The following NPAS2 variants were observed in gnomAD, a reference collection of about 807,000 sequenced individuals.
NPAS2 encodes the protein neuronal PAS domain-containing protein 2.
In NPAS2, 23 loss-of-function variants were observed where a neutral mutation model predicts 107.5. The ratio of observed to expected loss-of-function variants is 0.21; its 90% CI spans 0.15 to 0.30. The LOEUF (loss-of-function observed/expected upper bound fraction) is 0.30, where lower values mean the gene tolerates loss of function less well. NPAS2 is among the 10% of genes least tolerant of loss of function. NPAS2 has a pLI of 1.00. For synonymous variants in NPAS2, 403 were observed against 417.5 expected (o/e 0.97, Z 0.42); for missense variants, 756 against 1,043.3 (o/e 0.72, Z 3.79).
chr2:100,963,255 GT>G (rs1485059994), intron 7 of NPAS2, among the ~76,000 whole-genome samples: 3 of 152,214 alleles, frequency 2.0e-5, no homozygotes, highest in African/African-American at 7.2e-5. Context: ...GGAAGGGGGT[GT>G]CAATGATGCC....
chr2:100,918,282 C>T (rs907536530), intron 2 of NPAS2, among the ~76,000 whole-genome samples: 10 of 151,906 alleles, frequency 6.6e-5, no homozygotes, highest in Non-Finnish European at 1.5e-4. Flanking sequence ...ATGTAAAATA[C>T]GTAAAACTGT....
intron 1 of NPAS2, among the ~76,000 whole-genome samples, chr2:100,844,824 A>G (rs1677671382): frequency 6.6e-6 from 1 of 152,222 alleles, no homozygotes; most frequent in African/African-American, 2.4e-5. Flanking sequence ...GAAATTAACT[A>G]CTTTTCCTTT....
chr2:100,941,434 A>G (rs1473305479), intron 5 of NPAS2, among the ~76,000 whole-genome samples: 1 of 152,114 alleles, frequency 6.6e-6, no homozygotes, highest in Non-Finnish European at 1.5e-5. Context: ...GTGGTGGCGC[A>G]TGCCTGTAGT....
intron 1 of NPAS2, among the ~76,000 whole-genome samples, chr2:100,864,297 C>T (rs1679118978): frequency 6.6e-6 from 1 of 152,066 alleles, no homozygotes; most frequent in Non-Finnish European, 1.5e-5. Context: ...ACCAAATTAC[C>T]TTAAGTTCTA....
At position 100,867,192 on chromosome 2, in the gene NPAS2, A is replaced by G. The variant is rs956188689; in HGVS notation, c.-22-37541A>G. 2.8e-4 allele frequency among the ~76,000 whole-genome samples: 43 copies of G among 152,168 alleles called. 1 individual carries two copies. The highest frequency in any genetic ancestry group is 8.8e-5 in the Non-Finnish European group (6 of 68,038). On this transcript the variant is annotated intron_variant, in intron 1 of 20. Transcript: ENST00000335681. Reference sequence around the variant, plus strand: ...CCCATTATTGGGTATAATATTCCATATTTGTCCATTAGATCTGTGCTGCTC... The same window carrying G: ...CCCATTATTGGGTATAATATTCCATGTTTGTCCATTAGATCTGTGCTGCTC...
chr2:100,918,068 T>TTACA (rs1553455098), intron 2 of NPAS2, among the ~76,000 whole-genome samples: 1 of 149,314 alleles, frequency 6.7e-6, no homozygotes, highest in Non-Finnish European at 1.5e-5. Flanking sequence ...CTATATATAT[T>TTACA]TATATATATT....
At chr2:100,854,889 G>A (rs910813134) in intron 1 of NPAS2, among the ~76,000 whole-genome samples, 1 of 152,206 alleles carries the variant, frequency 6.6e-6, no homozygotes, top group African/African-American at 2.4e-5. Flanking sequence ...AATGTTGAGT[G>A]CTGGACCCTG....
chr2:100,881,611 A>G (rs947310657), intron 1 of NPAS2, among the ~76,000 whole-genome samples: 4 of 152,050 alleles, frequency 2.6e-5, no homozygotes, highest in African/African-American at 9.7e-5. Flanking sequence ...ACTTGAACCC[A>G]GGAGGCGGAG....
intron 2 of NPAS2, among the ~76,000 whole-genome samples, chr2:100,918,491 A>C (rs1397066572): frequency 2.6e-5 from 4 of 152,192 alleles, no homozygotes; most frequent in Non-Finnish European, 5.9e-5. Context: ...AATACTGACA[A>C]ATCACATTTC....
intron 3 of NPAS2, among the ~76,000 whole-genome samples, chr2:100,927,014 C>T (rs1310063059): frequency 2.0e-5 from 3 of 148,900 alleles, no homozygotes; most frequent in Admixed American, 6.8e-5. Flanking sequence ...TCTAGGCTCA[C>T]TGCAAGCTCC....
At position 100,995,893 on chromosome 2, in the gene NPAS2, C is replaced by T. The variant is rs545281754; in HGVS notation, c.*311C>T. 13 of 1,458,792 alleles carry T rather than the reference C, an allele frequency of 8.9e-6. No homozygotes were observed. In the East Asian group the frequency reaches 2.1e-4, roughly 24 times the overall value. 90.4% of individuals were successfully genotyped at this position (1,458,792 alleles called of 1,614,324 possible). On this transcript the variant is annotated 3_prime_UTR_variant, in exon 21 of 21. Coordinates refer to ENST00000335681, the MANE Select transcript of NPAS2 (RefSeq NM_002518.4). ...CCGTCAGAGATGGCGCATCTCGCTG[C>T]ATCCCCCGAGAGTACACCGGTTGCT... is the stretch of plus-strand genomic sequence containing the variant.
chr2:100,900,015 A>G (rs1681669830), intron 1 of NPAS2, among the ~76,000 whole-genome samples: 1 of 152,232 alleles, frequency 6.6e-6, no homozygotes, highest in Non-Finnish European at 1.5e-5. Flanking sequence ...AGAGGAAAAC[A>G]TAGGATAATT....
intron 2 of NPAS2, among the ~76,000 whole-genome samples, chr2:100,921,102 G>A (rs890569608): frequency 6.6e-6 from 1 of 152,196 alleles, no homozygotes; most frequent in African/African-American, 2.4e-5. Context: ...CACTGGGTCC[G>A]TAGGTCCATA....
intron 1 of NPAS2, among the ~76,000 whole-genome samples, chr2:100,849,839 G>A (rs1678033467): frequency 6.6e-6 from 1 of 152,024 alleles, no homozygotes; most frequent in Non-Finnish European, 1.5e-5. Flanking sequence ...AGAATTTGAT[G>A]TTGGCTAAAA....
At chr2:100,949,632 G>C (rs528281628) in intron 7 of NPAS2, 152 bp downstream of exon 7, 1 of 609,092 alleles carries the variant, frequency 1.6e-6, no homozygotes, top group East Asian at 2.8e-5. Flanking sequence ...GTGTTTTTGT[G>C]CTCATCGATG....
chr2:100,964,069 T>A lies in NPAS2; in HGVS notation c.610T>A (p.Ser204Thr). The A allele has an allele frequency of 1.2e-6, 2 of 1,613,030 alleles. No homozygotes were observed. Among genetic ancestry groups the A allele is most frequent in the Non-Finnish European group, 1.7e-6 (2 of 1,179,042 alleles). Residue 204 changes from serine (S) to threonine (T), a missense_variant, in exon 8 of 21, where the codon TCC becomes ACC. Physicochemically the swap from Ser to Thr is moderately conservative, Grantham distance 58. Around this residue, in one of 4 missense-constraint regions of NPAS2, gnomAD observed 30 missense variants for 23.8 expected, o/e 1.26. Transcript: ENST00000335681. ...FRSYNNVPSP[S>T]CNGFDNTLSR... Reference sequence around the variant, plus strand: ...TCCCAACCCCCCAGTGCCTAGCCCCTCCTGTAATGGTTTTGACAACACCCT... The same window carrying A: ...TCCCAACCCCCCAGTGCCTAGCCCCACCTGTAATGGTTTTGACAACACCCT...
intron 1 of NPAS2, among the ~76,000 whole-genome samples, chr2:100,857,885 A>T (rs1678684542): frequency 6.6e-6 from 1 of 152,256 alleles, no homozygotes; most frequent in Admixed American, 6.5e-5. Flanking sequence ...GGAGAGCTCA[A>T]GCTGCCTCCT....
intron 7 of NPAS2, among the ~76,000 whole-genome samples, chr2:100,958,131 A>G (rs1675692667): frequency 6.6e-6 from 1 of 152,188 alleles, no homozygotes; most frequent in African/African-American, 2.4e-5. Flanking sequence ...CTCGGCAAAC[A>G]TTCCACTCTG....
chr2:100,861,302 G>A (rs929206365), intron 1 of NPAS2, among the ~76,000 whole-genome samples: 4 of 152,248 alleles, frequency 2.6e-5, no homozygotes, highest in East Asian at 1.9e-4. Flanking sequence ...GAGACAAACC[G>A]GGGAGAACAC....
Sources: gnomAD v4.1 joint callset for allele counts (sites outside exome capture counted in the v4.1 genomes callset) on GRCh38, gnomAD v4.1.1 for gene constraint, gnomAD v4.1.1 regional missense constraint, MANE v1.5 for transcripts, NCBI Gene and HGNC (gene_info 2026-07-23, HGNC 2026-07-21) for gene names.